Variants in CHD9 observed in about 807,000 individuals in gnomAD.
CHD9 encodes ATP-dependent chromatin remodeler CHD9.
A neutral mutation model predicts 316.1 loss-of-function variants in CHD9; 77 were observed. That is an observed-to-expected ratio of 0.24 (90% CI 0.20 to 0.29). The LOEUF is 0.29. CHD9 is among the 10% of genes least tolerant of loss of function. The pLI is 1.00. For missense variants in CHD9, 2,763 were observed against 3,438.1 expected, an observed-to-expected ratio of 0.80 and a Z score of 4.91; for synonymous variants, 1,129 against 1,158.3, an observed-to-expected ratio of 0.97 and a Z score of 0.51.
chr16:53,237,384 A>G (rs975742955), intron 11 of CHD9, among the ~76,000 whole-genome samples: 4 of 152,118 alleles, frequency 2.6e-5, no homozygotes, highest in Non-Finnish European at 5.9e-5. Context: ...AATATCCACA[A>G]TAGCACCAGA....
chr16:53,108,177 C>A (rs1211768034), intron 1 of CHD9, among the ~76,000 whole-genome samples: 1 of 152,150 alleles, frequency 6.6e-6, no homozygotes, highest in African/African-American at 2.4e-5. Context: ...TAGCAATACC[C>A]ACTTTTAGGT....
chr16:53,156,403 T>C lies in CHD9; in HGVS notation c.314T>C (p.Ile105Thr). The C allele has an allele frequency of 6.2e-7, 1 of 1,614,034 alleles. No homozygotes were observed. Among genetic ancestry groups the C allele is most frequent in the Non-Finnish European group, 8.5e-7 (1 of 1,179,900 alleles). Reference sequence around the variant, plus strand: ...CACTCTCAGTTTAATTGTTCTCCAATCCATCCCCAAAACCAACCCAATGGT... The same window carrying C: ...CACTCTCAGTTTAATTGTTCTCCAACCCATCCCCAAAACCAACCCAATGGT... ...SPHSQFNCSP[I>T]HPQNQPNGLF... Residue 105 changes from isoleucine (I) to threonine (T), a missense_variant, in exon 2 of 39, where the codon ATC becomes ACC. By Grantham distance (89) the Ile-to-Thr change is moderately conservative. Around this residue, in one of 15 missense-constraint regions of CHD9, gnomAD observed 859 missense variants for 890.4 expected, o/e 0.96. Coordinates refer to ENST00000447540, the MANE Select transcript of CHD9 (RefSeq NM_001308319.2).
intron 3 of CHD9, 42 bp from the exon 4 acceptor site, chr16:53,222,602 T>C: frequency 1.1e-6 from 1 of 928,648 alleles, no homozygotes; most frequent in Non-Finnish European, 1.7e-6. Flanking sequence ...TTTAGGAAAA[T>C]TCAAAGAATT....
chr16:53,303,717 T>C lies in CHD9; in HGVS notation c.5714-3T>C, dbSNP rs773109376. 41 of 1,576,338 alleles carry C rather than the reference T, an allele frequency of 2.6e-5. No homozygotes were observed. Among genetic ancestry groups the C allele is most frequent in the Non-Finnish European group, 3.5e-5 (41 of 1,163,172 alleles). On this transcript the variant is annotated splice_region_variant and splice_polypyrimidine_tract_variant and intron_variant, in intron 30 of 38. Transcript: ENST00000447540. The stretch of plus-strand genomic sequence containing the variant: ...ATATTTTTGTCCTTGTTTCAATATG[T>C]AGAATTGGTGGATCCAAATATTTTT...
In CHD9 at chr16:53,157,443, G is replaced by C; in HGVS notation, c.1354G>C (p.Ala452Pro). The change falls in exon 2 of 39, where the codon GCT (alanine) becomes CCT (proline). Residue 452 changes from alanine (A) to proline (P), a missense_variant. This residue lies in a region of CHD9 where 859 missense variants were observed against 890.4 expected (regional missense o/e 0.96). Transcript: ENST00000447540. Reference sequence around the variant, plus strand: ...TCTGGTAACACGGCCTTCTGATATGGCTCAGACTCAGTTGCAAAGTCAGGC... The same window carrying C: ...TCTGGTAACACGGCCTTCTGATATGCCTCAGACTCAGTTGCAAAGTCAGGC... The part of the protein sequence containing the change: ...SHLVTRPSDM[A>P]QTQLQSQARS... 6.2e-7 allele frequency: 1 copy of C among 1,613,914 alleles called. No individual in the cohort carries two copies. Among genetic ancestry groups the C allele is most frequent in the Non-Finnish European group, 8.5e-7 (1 of 1,179,860 alleles).
chr16:53,070,781 T>C (rs2033979553), intron 1 of CHD9, among the ~76,000 whole-genome samples: 1 of 152,198 alleles, frequency 6.6e-6, no homozygotes, highest in Non-Finnish European at 1.5e-5. Context: ...CTCAAACTCC[T>C]GACCTCAAGT....
intron 2 of CHD9, among the ~76,000 whole-genome samples, chr16:53,183,776 A>G (rs1014239502): frequency 6.6e-6 from 1 of 151,990 alleles, no homozygotes; most frequent in Non-Finnish European, 1.5e-5. Context: ...ATACAATACA[A>G]TACAATGCAA....
rs368394430 is a variant in CHD9, at chr16:53,238,595, T to C, written c.2877+9T>C. On this transcript the variant is annotated intron_variant, in intron 12 of 38. Transcript: ENST00000447540. ...ACTTCAGGGATTCACAGGTGTGTTA[T>C]TGATTATTTTGTTTGTTGTTTGAAA... The C allele has an allele frequency of 5.6e-6, 9 of 1,610,234 alleles. No homozygotes were observed. In the Admixed American group the frequency reaches 6.7e-5, roughly 12 times the overall value.
At chr16:53,180,653 C>T (rs1157407804) in intron 2 of CHD9, among the ~76,000 whole-genome samples, 1 of 151,958 alleles carries the variant, frequency 6.6e-6, no homozygotes, top group Non-Finnish European at 1.5e-5. Context: ...TTGAAACAGA[C>T]ATCTCTTTTT....
At chr16:53,255,555 G>T in intron 18 of CHD9, 45 bp from the exon 19 acceptor site, 1 of 1,558,700 alleles carries the variant, frequency 6.4e-7, no homozygotes, top group South Asian at 1.2e-5. Flanking sequence ...CTCACTTTAT[G>T]AACTTTAAAA....
chr16:53,100,194 C>G (rs968624696), intron 1 of CHD9, among the ~76,000 whole-genome samples: 1 of 152,186 alleles, frequency 6.6e-6, no homozygotes, highest in African/African-American at 2.4e-5. Context: ...CCGAAGAAAA[C>G]TTCTCCTGCC....
chr16:53,081,781 A>G (rs1460332550), intron 1 of CHD9, among the ~76,000 whole-genome samples: 5 of 151,778 alleles, frequency 3.3e-5, no homozygotes, highest in South Asian at 2.1e-4. Context: ...TTTTGTAGAG[A>G]TGGTGTTTCA....
intron 24 of CHD9, 65 bp from the exon 25 acceptor site, chr16:53,285,531 A>T: frequency 1.1e-6 from 1 of 907,510 alleles, no homozygotes; most frequent in South Asian, 1.8e-5. Context: ...AAGCTAGGTA[A>T]AATTTTGCCT....
intron 1 of CHD9, among the ~76,000 whole-genome samples, chr16:53,101,859 G>C (rs2036912292): frequency 6.6e-6 from 1 of 152,186 alleles, no homozygotes; most frequent in Non-Finnish European, 1.5e-5. Context: ...TGAAAATCAA[G>C]TGGTGTCAGG....
At position 53,245,835 on chromosome 16, in the gene CHD9, C is replaced by T; in HGVS notation, c.3439C>T (p.Pro1147Ser). 6.6e-7 allele frequency: 1 copy of T among 1,519,202 alleles called. No homozygotes were observed. The highest frequency in any genetic ancestry group is 8.8e-7 in the Non-Finnish European group (1 of 1,135,820). The allele number at this position is 1,519,202 out of a possible 1,614,324, so 94.1% of individuals were successfully genotyped here. Residue 1147 changes from proline to serine, a missense_variant, in exon 15 of 39, where the codon CCA becomes TCA. This residue lies in a region of CHD9 where 155 missense variants were observed against 291.8 expected (regional missense o/e 0.53). Coordinates refer to ENST00000447540, the MANE Select transcript of CHD9 (RefSeq NM_001308319.2). The surrounding 1 kb of genome is among the most constrained non-coding windows in gnomAD (Gnocchi z 4.1). The part of the protein sequence containing the change: ...MMELRKCCNH[P>S]YLIKGAEEKI... Reference sequence around the variant, plus strand: ...GGAGCTCAGGAAATGTTGTAATCATCCATATCTTATAAAAGGTAGCTAAAA... The same window carrying T: ...GGAGCTCAGGAAATGTTGTAATCATTCATATCTTATAAAAGGTAGCTAAAA...
rs1297934923 is a variant in CHD9, at chr16:53,304,316, A to G, written c.6310A>G (p.Met2104Val). 2 of 1,612,408 alleles carry G rather than the reference A, an allele frequency of 1.2e-6. No individual in the cohort carries two copies. Among genetic ancestry groups the G allele is most frequent in the Non-Finnish European group, 1.7e-6 (2 of 1,179,810 alleles). ...TGGAAAATGTGAAACAGACAGACGC[A>G]TGGTTGCAGCCAGAACAGAACCCCT... ...SGGKCETDRR[M>V]VAARTEPLTP... Residue 2104 changes from methionine to valine, a missense_variant, in exon 31 of 39, where the codon ATG (methionine) becomes GTG (valine). By Grantham distance (21) the Met-to-Val change is conservative. Around this residue, in one of 15 missense-constraint regions of CHD9, gnomAD observed 663 missense variants for 751.2 expected, o/e 0.88. Transcript: ENST00000447540.
chr16:53,262,794 A>G (rs931047234), intron 19 of CHD9, among the ~76,000 whole-genome samples, 193 bp from the exon 20 acceptor site: 2 of 152,150 alleles, frequency 1.3e-5, no homozygotes, highest in African/African-American at 4.8e-5. Context: ...CTGCTCCTAA[A>G]CTTCAGCCTG....
At position 53,247,297 on chromosome 16, in the gene CHD9, T is replaced by C. The variant is rs999113960; in HGVS notation, c.3459T>C (p.Ala1153=). 1.3e-6 allele frequency: 2 copies of C among 1,591,618 alleles called. No individual in the cohort carries two copies. Among genetic ancestry groups the C allele is most frequent in the Non-Finnish European group, 8.6e-7 (1 of 1,166,748 alleles). The part of the protein sequence containing the change: ...CCNHPYLIKG[A]EEKILGEFRD... ...CTTCTCCTATTTCTTTGACAGGTGCTGAGGAGAAAATACTTGGAGAATTTA... is the reference window on the plus strand; with the variant it reads ...CTTCTCCTATTTCTTTGACAGGTGCCGAGGAGAAAATACTTGGAGAATTTA... The change falls in exon 16 of 39, where the codon GCT becomes GCC. Residue 1153 remains alanine (A), a synonymous_variant. Transcript: ENST00000447540.
intron 1 of CHD9, among the ~76,000 whole-genome samples, chr16:53,134,229 T>C (rs1192480707): frequency 1.3e-5 from 2 of 152,214 alleles, no homozygotes; most frequent in Non-Finnish European, 2.9e-5. Flanking sequence ...TTGTAAGTGC[T>C]TGGAAAACTT....
Sources: gnomAD v4.1 joint callset for allele counts (sites outside exome capture counted in the v4.1 genomes callset) on GRCh38, gnomAD v4.1.1 for gene constraint, gnomAD v4.1.1 regional missense constraint, Gnocchi (gnomAD v3.1) non-coding constraint, MANE v1.5 for transcripts, NCBI Gene and HGNC (gene_info 2026-07-23, HGNC 2026-07-21) for gene names.